Variants in DDX1 observed in about 807,000 individuals in gnomAD.
The protein encoded by DDX1 is ATP-dependent RNA helicase DDX1.
Under a neutral mutation model 108.7 loss-of-function variants are expected in DDX1, and 28 were observed. That is an observed-to-expected ratio of 0.26 (90% CI 0.19 to 0.35). The LOEUF (loss-of-function observed/expected upper bound fraction) is 0.35. DDX1 is among the 10% of genes least tolerant of loss of function. The pLI is 1.00. For synonymous variants in DDX1, 295 were observed against 288.9 expected (o/e 1.02, Z -0.21); for missense variants, 710 against 884.5 (o/e 0.80, Z 2.50).
At chr2:15,594,864 T>G (rs946573311) in intron 1 of DDX1, among the ~76,000 whole-genome samples, 18 of 152,234 alleles carry the variant, frequency 1.2e-4, no homozygotes, top group Non-Finnish European at 2.5e-4. Flanking sequence ...ATCTCTGGTC[T>G]TCATATAGCC....
chr2:15,613,573 T>G (rs964524717), intron 14 of DDX1, among the ~76,000 whole-genome samples: 2 of 152,142 alleles, frequency 1.3e-5, no homozygotes, highest in African/African-American at 2.4e-5. Flanking sequence ...TCATTCTTTT[T>G]GGGGAGATAA....
intron 13 of DDX1, among the ~76,000 whole-genome samples, chr2:15,612,611 C>T (rs1455631068): frequency 1.4e-4 from 21 of 149,246 alleles, no homozygotes; most frequent in African/African-American, 3.9e-4. Flanking sequence ...GGGTGGCGGC[C>T]GGGCAGAGGC....
rs116333253 is a variant in DDX1, at chr2:15,605,091, C to T, written c.625+582C>T. ...CATGGAGAGCCATATGGGCCATGAT[C>T]TAAACTTTGGTTTTTATTTTGAGTG... On this transcript the variant is annotated intron_variant, in intron 10 of 25. Coordinates refer to ENST00000233084, the MANE Select transcript of DDX1 (RefSeq NM_004939.3). Among the ~76,000 whole-genome samples, 138 of 152,230 alleles carry T rather than the reference C, an allele frequency of 9.1e-4. 1 individual carries two copies. The highest frequency in any genetic ancestry group is 2.9e-3 in the African/African-American group (122 of 41,512).
intron 25 of DDX1, 114 bp downstream of exon 25, chr2:15,630,224 G>A: frequency 9.3e-7 from 1 of 1,071,370 alleles, no homozygotes; most frequent in Non-Finnish European, 1.4e-6. Context: ...TTTTTAGCGT[G>A]TTAATCATTC....
intron 9 of DDX1, 141 bp downstream of exon 9, chr2:15,604,031 G>T (rs918412974): frequency 1.7e-6 from 1 of 592,512 alleles, no homozygotes; most frequent in Admixed American, 3.6e-5. Flanking sequence ...GTTTGGATTT[G>T]GACTTTAGTG....
chr2:15,613,885 G>T (rs189426534), intron 14 of DDX1, among the ~76,000 whole-genome samples: 1 of 147,022 alleles, frequency 6.8e-6, no homozygotes, highest in East Asian at 2.0e-4. Context: ...CGCCCAGGCT[G>T]GAGTGCCATG....
rs557977602 is a variant in DDX1, at chr2:15,597,272, A to G, written c.163-103A>G. The G allele has an allele frequency of 3.6e-4, 261 of 722,454 alleles. 1 individual carries two copies. The highest frequency in any genetic ancestry group is 5.4e-4 in the Non-Finnish European group (232 of 429,250). The allele number at this position is 722,454 out of a possible 1,614,324, so 44.8% of individuals were successfully genotyped here. On this transcript the variant is annotated intron_variant, in intron 4 of 25. Transcript: ENST00000233084. ...ATTGTAGTAGCAATCTGGAATATGT[A>G]TGATTAGTTGATGTGTGTGCATAAC...
intron 18 of DDX1, 194 bp downstream of exon 18, chr2:15,621,310 A>C (rs1217063349): frequency 3.8e-6 from 2 of 524,922 alleles, no homozygotes; most frequent in African/African-American, 3.9e-5. Flanking sequence ...CATTGAATTT[A>C]TTTTTAATTT....
chr2:15,593,964 G>T (rs1665460419), intron 1 of DDX1, among the ~76,000 whole-genome samples: 2 of 152,114 alleles, frequency 1.3e-5, no homozygotes, highest in South Asian at 4.1e-4. Flanking sequence ...TGTAGCCCCA[G>T]CTCCTCGGGA....
chr2:15,619,381 CA>C (rs1472230385), intron 16 of DDX1, among the ~76,000 whole-genome samples: 2 of 152,182 alleles, frequency 1.3e-5, no homozygotes, highest in Admixed American at 1.3e-4. Flanking sequence ...GGGTCCTGCC[CA>C]GCTTCGCGAA....
chr2:15,603,512 G>A (rs576391306), intron 8 of DDX1, among the ~76,000 whole-genome samples: 1 of 152,322 alleles, frequency 6.6e-6, no homozygotes. Flanking sequence ...TCAGGGTAAA[G>A]TTAGTGTGTG....
rs886378555 is a variant in DDX1 at position 15,606,614 on chromosome 2, C to T, written c.817+350C>T. Among the ~76,000 whole-genome samples, 7 of 152,102 alleles carry T rather than the reference C, an allele frequency of 4.6e-5. No individual in the cohort carries two copies. In the South Asian group the frequency reaches 1.2e-3, roughly 27 times the overall value. ...TTTTCCCATTTTACAGACAACCTAA[C>T]GAATAGGGACTTTAAGTGATTTGCC... On this transcript the variant is annotated intron_variant, in intron 12 of 25. Transcript: ENST00000233084.
At chr2:15,611,857 G>A (rs1665770680) in intron 13 of DDX1, among the ~76,000 whole-genome samples, 1 of 104,266 alleles carries the variant, frequency 9.6e-6, no homozygotes. Context: ...TCCCAGTAGG[G>A]GCGGCTGGGC....
intron 16 of DDX1, 93 bp from the exon 17 acceptor site, chr2:15,620,115 G>T (rs1665972859): frequency 1.7e-6 from 2 of 1,174,088 alleles, no homozygotes; most frequent in Admixed American, 2.0e-5. Flanking sequence ...TTGGAGTCTA[G>T]GCTAGCACAC....
Position 15,604,485 on chromosome 2 carries a change from G to C in DDX1, c.601G>C (p.Gly201Arg), listed in dbSNP as rs566964575. 6.2e-7 allele frequency: 1 copy of C among 1,609,474 alleles called. No individual in the cohort carries two copies. Among genetic ancestry groups the C allele is most frequent in the Admixed American group, 1.7e-5 (1 of 59,996 alleles). ...TGGATGTTACCTGGATATAGATAAG[G>C]GACATGTCAAGTTCTCCAAAAATGG... ...TIGCYLDIDK[G>R]HVKFSKNGKD... The change falls in exon 10 of 26, where the codon GGA becomes CGA. Residue 201 changes from glycine (G) to arginine (R), a missense_variant. Around this residue, in one of 3 missense-constraint regions of DDX1, gnomAD observed 661 missense variants for 810.2 expected, o/e 0.82. Coordinates refer to ENST00000233084, the MANE Select transcript of DDX1 (RefSeq NM_004939.3).
At position 15,591,956 on chromosome 2, in the gene DDX1, T is replaced by C. The variant is rs200572115; in HGVS notation, c.16+7T>C. 1.1e-5 allele frequency: 16 copies of C among 1,427,302 alleles called. No individual in the cohort carries two copies. The highest frequency in any genetic ancestry group is 1.5e-5 in the Non-Finnish European group (16 of 1,089,334). The allele number at this position is 1,427,302 out of a possible 1,614,324, so 88.4% of individuals were successfully genotyped here. A position where few individuals can be genotyped will look rare whatever the true frequency, so the allele number is the denominator to read the frequency against. ...AAGATGGCGGCCTTCTCCGGTGCGT[T>C]TGTGGAAACTCTGGGGGTGGTGGGG... On this transcript the variant is annotated splice_region_variant and intron_variant, in intron 1 of 25. Transcript: ENST00000233084.
chr2:15,599,782 A>G (rs1665559046), intron 6 of DDX1, 66 bp downstream of exon 6: 1 of 1,113,158 alleles, frequency 9.0e-7, no homozygotes. Flanking sequence ...ATACATGAGA[A>G]CACCAAGTAA....
intron 19 of DDX1, among the ~76,000 whole-genome samples, chr2:15,626,718 C>G (rs1666105067): frequency 6.6e-6 from 1 of 152,118 alleles, no homozygotes; most frequent in South Asian, 2.1e-4. Context: ...TCTCTTTTGC[C>G]TACTTTTTGA....
Position 15,629,647 on chromosome 2 carries a change from A to G in DDX1, c.1921A>G (p.Thr641Ala), listed in dbSNP as rs1175428555. ...CAGCCGTGGAAAAGGGTGTTATAAC[A>G]CAAGACTCAAGGAAGATGGAGGCTG... ...CSSRGKGCYN[T>A]RLKEDGGCTI... The change falls in exon 24 of 26, where the codon ACA (threonine) becomes GCA (alanine). Residue 641 changes from threonine (T) to alanine (A), a missense_variant. Coordinates refer to ENST00000233084, the MANE Select transcript of DDX1 (RefSeq NM_004939.3). The G allele has an allele frequency of 6.3e-7, 1 of 1,589,582 alleles. No homozygotes were observed. Among genetic ancestry groups the G allele is most frequent in the Non-Finnish European group, 8.5e-7 (1 of 1,172,666 alleles).
Sources: gnomAD v4.1 joint callset for allele counts (sites outside exome capture counted in the v4.1 genomes callset) on GRCh38, gnomAD v4.1.1 for gene constraint, gnomAD v4.1.1 regional missense constraint, MANE v1.5 for transcripts, NCBI Gene and HGNC (gene_info 2026-07-23, HGNC 2026-07-21) for gene names.